Variants in OXR1 observed in about 807,000 individuals in gnomAD.
OXR1 encodes the protein oxidation resistance protein 1.
OXR1 carries 41 observed loss-of-function variants against 104.6 expected under a neutral mutation model. The ratio of observed to expected loss-of-function variants is 0.39; its 90% CI spans 0.31 to 0.51. The LOEUF (loss-of-function observed/expected upper bound fraction) is 0.51, where lower values mean the gene tolerates loss of function less well. Among genes scored for constraint, OXR1 ranks in the 20% least tolerant of loss-of-function variants. The probability of loss-of-function intolerance (pLI) is 0.77; values close to 1 mark genes in which losing one functional copy is unlikely to be tolerated. For missense variants in OXR1, 955 were observed against 1,031.9 expected (o/e 0.93, Z 1.02); for synonymous variants, 348 against 348.4 (o/e 1.00, Z 0.01).
intron 3 of OXR1, among the ~76,000 whole-genome samples, chr8:106,667,645 G>C (rs1024669665): frequency 1.3e-5 from 2 of 152,104 alleles, no homozygotes; most frequent in Non-Finnish European, 2.9e-5. Context: ...CCACAATTAA[G>C]AGCCATTAAT....
rs937708089 is a variant in OXR1, at chr8:106,555,918, G to A, written c.220+36779G>A. ...TCTGTGTATATGTGTGTAGGCATAC[G>A]TATATATATGTACATATATATATAT... is the stretch of plus-strand genomic sequence containing the variant. On this transcript the variant is annotated intron_variant, in intron 3 of 16. Coordinates refer to ENST00000517566, the MANE Select transcript of OXR1 (RefSeq NM_001198533.2). 5.5e-3 allele frequency among the ~76,000 whole-genome samples: 147 copies of A among 26,940 alleles called. 1 individual carries two copies. Among genetic ancestry groups the A allele is most frequent in the African/African-American group, 0.017 (137 of 8,172 alleles). The allele number at this position is 26,940 out of a possible 152,430, so 17.7% of individuals were successfully genotyped here. A position where few individuals can be genotyped will look rare whatever the true frequency, so the allele number is the denominator to read the frequency against.
chr8:106,435,575 G>T (rs902045249), intron 2 of OXR1, among the ~76,000 whole-genome samples: 1 of 152,094 alleles, frequency 6.6e-6, no homozygotes, highest in Non-Finnish European at 1.5e-5. Context: ...GGGGACTTCT[G>T]AATATGAATT....
chr8:106,610,101 A>ATTT (rs34420371), intron 3 of OXR1, among the ~76,000 whole-genome samples: 3 of 141,020 alleles, frequency 2.1e-5, no homozygotes. Context: ...CAACCTTTTG[A>ATTT]TTTTTTTTTT....
At chr8:106,680,713 C>T (rs1015405257) in intron 4 of OXR1, among the ~76,000 whole-genome samples, 3 of 152,126 alleles carry the variant, frequency 2.0e-5, no homozygotes, top group Admixed American at 6.5e-5. Flanking sequence ...TTATAAACTA[C>T]GTGGAGTGAG....
intron 1 of OXR1, among the ~76,000 whole-genome samples, chr8:106,321,818 A>G (rs955767949): frequency 2.6e-5 from 4 of 152,216 alleles, no homozygotes; most frequent in Non-Finnish European, 5.9e-5. Flanking sequence ...TCAAATAAGT[A>G]TCTGTGATGT....
At position 106,638,017 on chromosome 8, in the gene OXR1, G is replaced by A. The variant is rs1053922549; in HGVS notation, c.221-41193G>A. Among the ~76,000 whole-genome samples the A allele has an allele frequency of 2.6e-4, 40 of 151,744 alleles. 1 individual carries two copies. The highest frequency in any genetic ancestry group is 3.5e-4 in the Non-Finnish European group (24 of 67,924). On this transcript the variant is annotated intron_variant, in intron 3 of 16. Transcript: ENST00000517566. ...CCTGACCTCGTGATCCACCCGCCTC[G>A]GCCTCCCAAAGTGCTGGGATTACAG...
intron 2 of OXR1, among the ~76,000 whole-genome samples, chr8:106,397,381 G>C (rs1817822730): frequency 6.6e-6 from 1 of 151,980 alleles, no homozygotes; most frequent in Non-Finnish European, 1.5e-5. Context: ...GGGTCGGAAG[G>C]AGCCTTACTT....
chr8:106,298,459 A>C (rs1813096638), intron 1 of OXR1, among the ~76,000 whole-genome samples: 1 of 152,152 alleles, frequency 6.6e-6, no homozygotes, highest in South Asian at 2.1e-4. Context: ...CTCCCACGAC[A>C]TGTGGGGATT....
intron 2 of OXR1, among the ~76,000 whole-genome samples, chr8:106,484,488 T>C (rs540424702): frequency 1.3e-5 from 2 of 151,920 alleles, no homozygotes; most frequent in East Asian, 1.9e-4. Context: ...AGAAATAAAA[T>C]AAACCAATTA....
At chr8:106,435,345 CAG>C (rs962621145) in intron 2 of OXR1, among the ~76,000 whole-genome samples, 1 of 152,144 alleles carries the variant, frequency 6.6e-6, no homozygotes, top group East Asian at 1.9e-4. Flanking sequence ...CTGCTCTTGA[CAG>C]AGTCTCTACT....
intron 2 of OXR1, among the ~76,000 whole-genome samples, chr8:106,449,965 T>C (rs565949972): frequency 1.2e-4 from 19 of 152,278 alleles, no homozygotes; most frequent in Non-Finnish European, 2.5e-4. Context: ...AAAATAACAA[T>C]ATAAACATTA....
In OXR1 at chr8:106,478,454, G is replaced by A. The variant is rs185259561; in HGVS notation, c.24-40489G>A. Among the ~76,000 whole-genome samples, 965 of 151,850 alleles carry A rather than the reference G, an allele frequency of 6.4e-3. 5 individuals carry two copies. The highest frequency in any genetic ancestry group is 0.014 in the Middle Eastern group (4 of 294). The stretch of plus-strand genomic sequence containing the variant: ...CATTTTAATTCACACTTGCAAAGTA[G>A]AATAAAAGGGCAATAAAAAAATCTC... On this transcript the variant is annotated intron_variant, in intron 2 of 16. Transcript: ENST00000517566.
At chr8:106,448,112 A>C in intron 2 of OXR1, 3 of 1,502,234 alleles carry the variant, frequency 2.0e-6, no homozygotes, top group Non-Finnish European at 2.7e-6. Context: ...AACGTTTCCT[A>C]GTTCCATTAT....
At chr8:106,697,717 G>T in intron 7 of OXR1, 1 of 1,614,036 alleles carries the variant, frequency 6.2e-7, no homozygotes, top group Non-Finnish European at 8.5e-7. Context: ...GCGCTCAGCT[G>T]CTTGCAGGAA....
intron 1 of OXR1, among the ~76,000 whole-genome samples, chr8:106,288,604 C>A (rs1563696521): frequency 6.8e-6 from 1 of 146,984 alleles, no homozygotes; most frequent in Non-Finnish European, 1.5e-5. Flanking sequence ...TATATATACT[C>A]TCTATATATT....
At chr8:106,367,892 A>G (rs1239881729) in intron 2 of OXR1, among the ~76,000 whole-genome samples, 1 of 152,188 alleles carries the variant, frequency 6.6e-6, no homozygotes, top group Non-Finnish European at 1.5e-5. Flanking sequence ...TGAGACTGAA[A>G]AGTATCTGGT....
chr8:106,354,455 G>A (rs771544480), intron 1 of OXR1, among the ~76,000 whole-genome samples: 1 of 151,988 alleles, frequency 6.6e-6, no homozygotes, highest in Non-Finnish European at 1.5e-5. Context: ...CTCATTACCT[G>A]CACAGTACAT....
chr8:106,519,052 C>A lies in OXR1; in HGVS notation c.133C>A (p.Pro45Thr). 1.3e-6 allele frequency: 2 copies of A among 1,551,954 alleles called. No individual in the cohort carries two copies. Among genetic ancestry groups the A allele is most frequent in the Non-Finnish European group, 1.7e-6 (2 of 1,146,974 alleles). ...QASKPPAPKT[P>T]IIEEEQNNAA... ...CAGTAAGCCCCCGGCACCCAAGACC[C>A]CCATCATTGAAGAAGAGCAGAACAA... Residue 45 changes from proline to threonine, a missense_variant, in exon 3 of 17, where the codon CCC becomes ACC. Coordinates refer to ENST00000517566, the MANE Select transcript of OXR1 (RefSeq NM_001198533.2).
At chr8:106,683,169 T>C (rs1828350710) in intron 4 of OXR1, 30 bp from the exon 5 acceptor site, 1 of 1,104,814 alleles carries the variant, frequency 9.1e-7, no homozygotes, top group Non-Finnish European at 1.4e-6. Flanking sequence ...GTTTTAAACA[T>C]TGAAATAATT....
Sources: allele counts gnomAD v4.1 joint callset (sites outside exome capture counted in the v4.1 genomes callset), GRCh38; gene constraint gnomAD v4.1.1; transcripts MANE v1.5; gene names NCBI Gene and HGNC (gene_info 2026-07-23, HGNC 2026-07-21).